The following NDST3 variants were observed in gnomAD, a reference collection of about 807,000 sequenced individuals.
NDST3 encodes the protein N-deacetylase and N-sulfotransferase 3, also known as bifunctional heparan sulfate N-deacetylase/N-sulfotransferase 3.
NDST3 carries 58 observed loss-of-function variants against 96.1 expected under a neutral mutation model. The ratio of observed to expected loss-of-function variants is 0.60; its 90% confidence interval spans 0.49 to 0.75. The LOEUF (loss-of-function observed/expected upper bound fraction) is 0.75. NDST3 is among the 30% of genes least tolerant of loss of function. NDST3 has a pLI of 0.00. For synonymous variants in NDST3, 333 were observed against 359.7 expected (o/e 0.93, Z 0.84); for missense variants, 788 against 1,034.2 (o/e 0.76, Z 3.27).
intron 5 of NDST3, among the ~76,000 whole-genome samples, chr4:118,142,579 A>G (rs1050846424): frequency 1.3e-5 from 2 of 152,204 alleles, no homozygotes; most frequent in Non-Finnish European, 2.9e-5. Flanking sequence ...GACTCAAGAC[A>G]TAAAACATGA....
chr4:118,195,188 T>C lies in NDST3; in HGVS notation c.1540-29303T>C, dbSNP rs372260004. Among the ~76,000 whole-genome samples, 3 of 152,160 alleles carry C rather than the reference T, an allele frequency of 2.0e-5. No homozygotes were observed. The East Asian group carries it at 5.8e-4, about 29-fold the overall frequency. On this transcript the variant is annotated intron_variant, in intron 6 of 13. Transcript: ENST00000296499. ...TCCTCTTCAATCTCTTTTATCAGTG[T>C]TTTATAGTTTTCATTGTAGAGATCA...
intron 6 of NDST3, among the ~76,000 whole-genome samples, chr4:118,182,758 T>TAAG (rs1247322764): frequency 6.6e-6 from 1 of 152,266 alleles, no homozygotes; most frequent in South Asian, 2.1e-4. Context: ...TCTCAGGATA[T>TAAG]AAGACAAAAG....
At chr4:118,122,550 C>T (rs576242183) in intron 4 of NDST3, among the ~76,000 whole-genome samples, 9 of 152,228 alleles carry the variant, frequency 5.9e-5, no homozygotes, top group African/African-American at 2.2e-4. Context: ...TACTTCACTT[C>T]CAAATTTTCA....
Position 118,053,890 on chromosome 4 carries a change from G to C in NDST3, c.-21G>C. 1.3e-6 allele frequency: 2 copies of C among 1,562,176 alleles called. No homozygotes were observed. Among genetic ancestry groups the C allele is most frequent in the Non-Finnish European group, 1.7e-6 (2 of 1,155,622 alleles). ...TTTTTATGGTGCTTCTGTTGGCATA[G>C]TTGGGGAAAGCACCTACAACATGAG... On this transcript the variant is annotated 5_prime_UTR_variant, in exon 2 of 14. It removes the in-frame stop codon of an upstream open reading frame in the 5' UTR. Transcript: ENST00000296499.
intron 3 of NDST3, among the ~76,000 whole-genome samples, chr4:118,105,636 C>T (rs1194777953): frequency 6.6e-6 from 1 of 152,118 alleles, no homozygotes; most frequent in Admixed American, 6.5e-5. Flanking sequence ...GGTTATAATT[C>T]TTTCCTTTTC....
At chr4:118,086,946 G>A (rs958154839) in intron 2 of NDST3, among the ~76,000 whole-genome samples, 79 of 152,054 alleles carry the variant, frequency 5.2e-4, no homozygotes, top group African/African-American at 1.8e-3. Flanking sequence ...AAAAAGCACC[G>A]CTTATGGCAG....
At chr4:118,253,645 T>A in intron 13 of NDST3, 44 bp downstream of exon 13, 1 of 1,266,394 alleles carries the variant, frequency 7.9e-7, no homozygotes, top group Non-Finnish European at 1.1e-6. Context: ...AGCAAAATGG[T>A]AACCAATAAT....
chr4:118,189,844 A>G (rs915986525), intron 6 of NDST3, among the ~76,000 whole-genome samples: 1 of 152,178 alleles, frequency 6.6e-6, no homozygotes, highest in Non-Finnish European at 1.5e-5. Flanking sequence ...TGTATTATCA[A>G]TGCTAAAGCT....
Position 118,054,530 on chromosome 4 carries a change from C to T in NDST3, c.620C>T (p.Ser207Phe). The T allele has an allele frequency of 2.5e-6, 4 of 1,613,260 alleles. No individual in the cohort carries two copies. The highest frequency in any genetic ancestry group is 1.7e-5 in the Admixed American group (1 of 59,900). The change falls in exon 2 of 14, where the codon TCT becomes TTT. Residue 207 changes from serine to phenylalanine, a missense_variant. By Grantham distance (155) the Ser-to-Phe change is radical. This residue lies in a region of NDST3 where 234 missense variants were observed against 256.9 expected (regional missense o/e 0.91). Transcript: ENST00000296499. ...TCTCCATTGATTCGTGTGACCAAAT[C>T]TTCCAAGCTTGAAAAAGGTTCTTTA... ...PHSPLIRVTK[S>F]SKLEKGSLPG...
At chr4:118,137,935 C>T (rs190353161) in intron 4 of NDST3, 119 bp from the exon 5 acceptor site, 4 of 856,564 alleles carry the variant, frequency 4.7e-6, no homozygotes, top group African/African-American at 3.5e-5. Flanking sequence ...AATTTTACCA[C>T]ACAATTAAGT....
chr4:118,193,671 G>C, intron 6 of NDST3: 1 of 1,319,336 alleles, frequency 7.6e-7, no homozygotes, highest in Non-Finnish European at 1.1e-6. Context: ...GCCTGTGCCA[G>C]TTCAAAGTCA....
chr4:118,053,068 G>A (rs921931407), intron 1 of NDST3, among the ~76,000 whole-genome samples: 3 of 151,834 alleles, frequency 2.0e-5, no homozygotes, highest in Non-Finnish European at 1.5e-5. Context: ...GGTTCCCAAT[G>A]GTCTCACACC....
intron 2 of NDST3, among the ~76,000 whole-genome samples, chr4:118,061,159 C>T (rs186823933): frequency 5.5e-4 from 83 of 152,250 alleles, no homozygotes; most frequent in African/African-American, 1.8e-3. Flanking sequence ...CTACTGCAGC[C>T]TCTCTAGTAT....
intron 6 of NDST3, among the ~76,000 whole-genome samples, chr4:118,191,796 A>AG (rs1276954212): frequency 6.6e-6 from 1 of 152,216 alleles, no homozygotes; most frequent in Non-Finnish European, 1.5e-5. Context: ...ATCAAATACT[A>AG]GTTTGATAGT....
chr4:118,236,267 T>C (rs1197677487), intron 9 of NDST3, among the ~76,000 whole-genome samples: 1 of 152,210 alleles, frequency 6.6e-6, no homozygotes, highest in African/African-American at 2.4e-5. Context: ...CTGAATTAGT[T>C]ACATTTGACA....
At chr4:118,180,399 C>T (rs1452521795) in intron 6 of NDST3, among the ~76,000 whole-genome samples, 2 of 152,100 alleles carry the variant, frequency 1.3e-5, no homozygotes, top group Admixed American at 6.6e-5. Flanking sequence ...GGATAATAGC[C>T]TCCAGCTGCA....
At chr4:118,082,806 T>C (rs888935598) in intron 2 of NDST3, among the ~76,000 whole-genome samples, 1 of 152,092 alleles carries the variant, frequency 6.6e-6, no homozygotes, top group Non-Finnish European at 1.5e-5. Context: ...AGAGGCTTAA[T>C]TGACTCACCG....
chr4:118,233,145 G>C lies in NDST3; in HGVS notation c.1943+10G>C. ...ACAGGGGGATTGATTGGTAAGATGG[G>C]TTATTAGTATAAATCTAAAAGTATA... On this transcript the variant is annotated intron_variant, in intron 9 of 13. Transcript: ENST00000296499. 1 of 1,607,622 alleles carries C rather than the reference G, an allele frequency of 6.2e-7. No homozygotes were observed. The highest frequency in any genetic ancestry group is 8.5e-7 in the Non-Finnish European group (1 of 1,174,900).
At chr4:118,204,959 T>C (rs1560716496) in intron 6 of NDST3, among the ~76,000 whole-genome samples, 1 of 144,742 alleles carries the variant, frequency 6.9e-6, no homozygotes, top group Non-Finnish European at 1.5e-5. Context: ...ACTCACTCTA[T>C]ATCTGTGTAC....
Sources: gnomAD v4.1 joint callset for allele counts (sites outside exome capture counted in the v4.1 genomes callset) on GRCh38, gnomAD v4.1.1 for gene constraint, gnomAD v4.1.1 regional missense constraint, MANE v1.5 for transcripts, NCBI Gene and HGNC (gene_info 2026-07-23, HGNC 2026-07-21) for gene names.